PCDHA10: variants seen among roughly 807,000 people sequenced by gnomAD.
The protein encoded by PCDHA10 is protocadherin alpha-10.
A neutral mutation model predicts 61.2 loss-of-function variants in PCDHA10; 45 were observed. That is an observed-to-expected ratio of 0.74 (90% CI 0.58 to 0.94). The LOEUF (loss-of-function observed/expected upper bound fraction) is 0.94. Ranked by LOEUF, PCDHA10 falls within the 40% of genes least tolerant of loss-of-function variation. The probability of loss-of-function intolerance (pLI) is 0.00; values close to 1 mark genes in which losing one functional copy is unlikely to be tolerated. For missense variants in PCDHA10, 1,278 were observed against 1,236.2 expected, an observed-to-expected ratio of 1.03 and a Z score of -0.51; for synonymous variants, 602 against 548.8, an observed-to-expected ratio of 1.10 and a Z score of -1.35.
chr5:140,888,233 C>T (rs544193607), intron 1 of PCDHA10, among the ~76,000 whole-genome samples: 6 of 152,142 alleles, frequency 3.9e-5, no homozygotes, highest in South Asian at 4.1e-4. Flanking sequence ...CATGTGTGTG[C>T]GTGTTCCTTT....
In PCDHA10 at chr5:140,882,900, T is replaced by C. The variant is rs151159619; in HGVS notation, c.2388+24464T>C. 8.7e-6 allele frequency: 14 copies of C among 1,614,106 alleles called. No individual in the cohort carries two copies. In the African/African-American group the frequency reaches 1.2e-4, roughly 14 times the overall value. The stretch of plus-strand genomic sequence containing the variant: ...GAGGAAATTCAGGAACATAGTTTAT[T>C]ACTGACAGCCAGTGATGGAGGTAAA... On this transcript the variant is annotated intron_variant, in intron 1 of 3. Transcript: ENST00000307360.
chr5:140,913,463 G>C (rs1230048611), intron 1 of PCDHA10, among the ~76,000 whole-genome samples: 4 of 151,500 alleles, frequency 2.6e-5, no homozygotes, highest in African/African-American at 2.4e-5. Flanking sequence ...TATTTACTTG[G>C]GTCTTCTCTC....
chr5:140,879,948 C>T (rs1025902128), intron 1 of PCDHA10, among the ~76,000 whole-genome samples: 1 of 152,168 alleles, frequency 6.6e-6, no homozygotes, highest in Non-Finnish European at 1.5e-5. Context: ...ATTTAGGGCC[C>T]ATCTGGATAA....
intron 1 of PCDHA10, among the ~76,000 whole-genome samples, chr5:140,891,372 G>A (rs1256551608): frequency 1.3e-5 from 2 of 151,962 alleles, no homozygotes; most frequent in Non-Finnish European, 2.9e-5. Flanking sequence ...AGTATACATT[G>A]CACCATATTT....
At chr5:140,962,203 C>T (rs1431150597) in intron 1 of PCDHA10, among the ~76,000 whole-genome samples, 1 of 152,086 alleles carries the variant, frequency 6.6e-6, no homozygotes, top group African/African-American at 2.4e-5. Flanking sequence ...CTTCCTATCT[C>T]CTTATTGATC....
At chr5:140,878,545 A>G (rs1554170455) in intron 1 of PCDHA10, among the ~76,000 whole-genome samples, 1 of 152,228 alleles carries the variant, frequency 6.6e-6, no homozygotes, top group African/African-American at 2.4e-5. Context: ...AACCAGTTTC[A>G]GATGATCCCA....
chr5:140,883,378 C>A, intron 1 of PCDHA10: 1 of 1,614,146 alleles, frequency 6.2e-7, no homozygotes. Context: ...CCATTATTGC[C>A]CTAATCAGTG....
chr5:141,010,255 C>T lies in PCDHA10; in HGVS notation c.*318C>T. The T allele has an allele frequency of 6.4e-7, 1 of 1,551,816 alleles. No homozygotes were observed. Among genetic ancestry groups the T allele is most frequent in the Non-Finnish European group, 8.7e-7 (1 of 1,147,020 alleles). ...CCAGTGAGAGGTTGGACTCTCTGCC[C>T]TGTGCTCCGGGGATCCTGTCTTGAT... is the stretch of plus-strand genomic sequence containing the variant. On this transcript the variant is annotated 3_prime_UTR_variant, in exon 4 of 4. Coordinates refer to ENST00000307360, the MANE Select transcript of PCDHA10 (RefSeq NM_018901.4).
chr5:140,990,758 C>G (rs1432023166), intron 3 of PCDHA10, among the ~76,000 whole-genome samples: 1 of 152,162 alleles, frequency 6.6e-6, no homozygotes, highest in African/African-American at 2.4e-5. Flanking sequence ...ACCTTTGAGC[C>G]TGTAAATTTG....
At chr5:140,907,847 C>T (rs1332235262) in intron 1 of PCDHA10, among the ~76,000 whole-genome samples, 15 of 152,232 alleles carry the variant, frequency 9.9e-5, no homozygotes, top group African/African-American at 3.6e-4. Flanking sequence ...TAAAATCCTC[C>T]TCTGCTGAGG....
chr5:140,905,991 G>C (rs1377300111), intron 1 of PCDHA10, among the ~76,000 whole-genome samples: 1 of 152,156 alleles, frequency 6.6e-6, no homozygotes, highest in Non-Finnish European at 1.5e-5. Flanking sequence ...AAAGATGTAG[G>C]CTGGGAGGCT....
intron 3 of PCDHA10, among the ~76,000 whole-genome samples, chr5:140,994,257 G>A (rs1232863771): frequency 6.6e-6 from 1 of 152,122 alleles, no homozygotes; most frequent in East Asian, 1.9e-4. Context: ...AGGTAAATAA[G>A]GTAAGCTAGG....
At chr5:140,905,021 G>A (rs1443702216) in intron 1 of PCDHA10, among the ~76,000 whole-genome samples, 1 of 152,078 alleles carries the variant, frequency 6.6e-6, no homozygotes, top group African/African-American at 2.4e-5. Flanking sequence ...TCTTTTCTAT[G>A]CAGAAGCTTT....
In PCDHA10 at chr5:140,942,596, A is replaced by T. The variant is rs116159999; in HGVS notation, c.2389-36353A>T. On this transcript the variant is annotated intron_variant, in intron 1 of 3. Coordinates refer to ENST00000307360, the MANE Select transcript of PCDHA10 (RefSeq NM_018901.4). ...CCCATATAGGATGTCACATATAATT[A>T]TAGTGTTTATATTTGCCAATTGTAA... 7.0e-3 allele frequency among the ~76,000 whole-genome samples: 992 copies of T among 142,408 alleles called. 16 individuals carry two copies. Among genetic ancestry groups the T allele is most frequent in the African/African-American group, 0.025 (912 of 36,952 alleles). 93.4% of individuals were successfully genotyped at this position (142,408 alleles called of 152,430 possible).
intron 1 of PCDHA10, chr5:140,868,845 A>G (rs1242434681): frequency 6.7e-6 from 3 of 451,106 alleles, no homozygotes; most frequent in Non-Finnish European, 7.5e-6. Flanking sequence ...AACACGTGAA[A>G]TTCTGTGGTG....
intron 1 of PCDHA10, chr5:140,876,322 A>G (rs146464308): frequency 6.2e-7 from 1 of 1,614,034 alleles, no homozygotes; most frequent in Non-Finnish European, 8.5e-7. Context: ...GATCAAAATG[A>G]TTTTGCCAGT....
intron 1 of PCDHA10, among the ~76,000 whole-genome samples, chr5:140,948,708 C>A (rs1376587735): frequency 6.6e-6 from 1 of 151,114 alleles, no homozygotes; most frequent in Non-Finnish European, 1.5e-5. Flanking sequence ...TGTGTTCTAT[C>A]CTCTTTTTTA....
At chr5:140,987,824 G>A (rs1032765154) in intron 3 of PCDHA10, among the ~76,000 whole-genome samples, 1 of 151,972 alleles carries the variant, frequency 6.6e-6, no homozygotes, top group Non-Finnish European at 1.5e-5. Flanking sequence ...TGTTTCCTTA[G>A]GGGATTGCTT....
chr5:140,881,220 G>A (rs1437715335), intron 1 of PCDHA10: 1 of 247,310 alleles, frequency 4.0e-6, no homozygotes, highest in Non-Finnish European at 6.5e-6. Context: ...TTGTTTCTTG[G>A]AAAATTAAAG....
Sources: gnomAD v4.1 joint callset for allele counts (sites outside exome capture counted in the v4.1 genomes callset) on GRCh38, gnomAD v4.1.1 for gene constraint, MANE v1.5 for transcripts, NCBI Gene and HGNC (gene_info 2026-07-23, HGNC 2026-07-21) for gene names.